Variants in XRN1 observed in about 807,000 individuals in gnomAD.
XRN1 encodes the protein strand-exchange protein 1 homolog.
A neutral mutation model predicts 222.3 loss-of-function variants in XRN1; 67 were observed. That is an observed-to-expected ratio of 0.30 (90% confidence interval 0.25 to 0.37). The LOEUF is 0.37. XRN1 is among the 10% of genes least tolerant of loss of function. The pLI is 1.00. For missense variants in XRN1, 1,707 were observed against 2,000.2 expected, an observed-to-expected ratio of 0.85 and a Z score of 2.80; for synonymous variants, 643 against 652.4, an observed-to-expected ratio of 0.99 and a Z score of 0.22.
chr3:142,378,402 A>C (rs532700594), intron 23 of XRN1, among the ~76,000 whole-genome samples: 30 of 152,242 alleles, frequency 2.0e-4, no homozygotes, highest in Non-Finnish European at 3.8e-4. Flanking sequence ...AACACAAAAA[A>C]TAGAAGGATA....
In XRN1 at chr3:142,405,055, C is replaced by T. The variant is rs752779176; in HGVS notation, c.1735G>A (p.Glu579Lys). ...IDEKRLLEAM[E>K]TCNHSLKKEE... ...TTTTTGAGGGAGTGGTTACATGTCT[C>T]CATGGCTTCCAATAATCGCTTCTGA... Residue 579 changes from glutamate to lysine, a missense_variant, in exon 16 of 41, where the codon GAG becomes AAG. Physicochemically the swap from Glu to Lys is moderately conservative, Grantham distance 56. Coordinates refer to ENST00000392981, the MANE Select transcript of XRN1 (RefSeq NM_001282857.2). 6.2e-7 allele frequency: 1 copy of T among 1,613,888 alleles called. No individual in the cohort carries two copies. Among genetic ancestry groups the T allele is most frequent in the South Asian group, 1.1e-5 (1 of 91,064 alleles).
intron 31 of XRN1, among the ~76,000 whole-genome samples, chr3:142,356,341 G>A (rs2066464880): frequency 6.6e-6 from 1 of 152,086 alleles, no homozygotes; most frequent in Non-Finnish European, 1.5e-5. Context: ...ACTTATCTGT[G>A]TTTTCCAATT....
At chr3:142,315,308 T>C (rs371267324) in intron 39 of XRN1, among the ~76,000 whole-genome samples, 1 of 151,936 alleles carries the variant, frequency 6.6e-6, no homozygotes, top group Non-Finnish European at 1.5e-5. Context: ...CAATGTTTTG[T>C]TTTGGTTTGG....
At chr3:142,318,018 T>C (rs2065253743) in intron 39 of XRN1, among the ~76,000 whole-genome samples, 1 of 152,222 alleles carries the variant, frequency 6.6e-6, no homozygotes, top group South Asian at 2.1e-4. Flanking sequence ...ATAAATTTAA[T>C]CAGTATTATT....
At chr3:142,432,139 A>T (rs866859969) in intron 2 of XRN1, among the ~76,000 whole-genome samples, 6 of 127,142 alleles carry the variant, frequency 4.7e-5, no homozygotes, top group East Asian at 4.2e-4. Flanking sequence ...CATATATATA[A>T]AATATATAAT....
In XRN1 at chr3:142,347,328, A is replaced by G. The variant is rs1312863488; in HGVS notation, c.3783T>C (p.Pro1261=). 6.3e-7 allele frequency: 1 copy of G among 1,599,418 alleles called. No homozygotes were observed. The highest frequency in any genetic ancestry group is 1.1e-5 in the South Asian group (1 of 87,164). The stretch of plus-strand genomic sequence containing the variant: ...GTTGATTTACTTGGCTTATTTCTTG[A>G]GGTAGAACTGCACCCTGAAAATTAA... ...PTIQEKGAVL[P]QEISQVNQHH... is the part of the protein sequence containing the mutation. The change falls in exon 33 of 41, where the codon CCT becomes CCC. Residue 1261 remains proline, a synonymous_variant. Transcript: ENST00000392981.
rs181482550 is a variant in XRN1, at chr3:142,423,516, C to T, written c.710+44G>A. On this transcript the variant is annotated intron_variant, in intron 6 of 40. Coordinates refer to ENST00000392981, the MANE Select transcript of XRN1 (RefSeq NM_001282857.2). The stretch of plus-strand genomic sequence containing the variant: ...ATGTATCTGTTAAAGAATTACTATC[C>T]AGGCGTAATTTCTTTCTTCCAACAT... 18 of 1,447,112 alleles carry T rather than the reference C, an allele frequency of 1.2e-5. No homozygotes were observed. In the African/African-American group the frequency reaches 1.4e-4, roughly 12 times the overall value. The allele number at this position is 1,447,112 out of a possible 1,614,324, so 89.6% of individuals were successfully genotyped here. A position where few individuals can be genotyped will look rare whatever the true frequency, so the allele number is the denominator to read the frequency against.
chr3:142,337,622 AC>A (rs901222304), intron 33 of XRN1, among the ~76,000 whole-genome samples: 1 of 152,238 alleles, frequency 6.6e-6, no homozygotes. Context: ...AACACAGTAG[AC>A]ACTACTGAAG....
intron 33 of XRN1, among the ~76,000 whole-genome samples, chr3:142,343,967 G>A (rs559396988): frequency 1.6e-4 from 25 of 152,158 alleles, no homozygotes; most frequent in African/African-American, 4.1e-4. Flanking sequence ...CATATGTTAG[G>A]TGAAATAAGC....
chr3:142,329,817 G>T (rs990444211), intron 36 of XRN1, among the ~76,000 whole-genome samples: 9 of 152,148 alleles, frequency 5.9e-5, no homozygotes, highest in African/African-American at 7.2e-5. Context: ...AGTACAACCT[G>T]CCATCCAAGT....
chr3:142,366,416 T>C (rs1242638190), intron 27 of XRN1, among the ~76,000 whole-genome samples: 1 of 152,198 alleles, frequency 6.6e-6, no homozygotes. Context: ...TTTCTTTTGT[T>C]ATGAGGCATT....
At chr3:142,323,593 C>T (rs921278125) in intron 37 of XRN1, among the ~76,000 whole-genome samples, 6 of 151,932 alleles carry the variant, frequency 3.9e-5, no homozygotes, top group African/African-American at 9.7e-5. Flanking sequence ...TAGATTTCTA[C>T]AAAAAAACAC....
chr3:142,354,117 G>T (rs1350587506), intron 32 of XRN1, among the ~76,000 whole-genome samples: 3 of 151,990 alleles, frequency 2.0e-5, no homozygotes, highest in Non-Finnish European at 2.9e-5. Context: ...TTTAAAAAAT[G>T]GGGAAAAAAC....
chr3:142,394,366 A>G (rs1352357979), intron 20 of XRN1, among the ~76,000 whole-genome samples: 2 of 152,192 alleles, frequency 1.3e-5, no homozygotes, highest in African/African-American at 4.8e-5. Flanking sequence ...AGAATGTTTC[A>G]TTATAAATTA....
intron 27 of XRN1, among the ~76,000 whole-genome samples, chr3:142,368,078 TTAATA>T (rs1475600354): frequency 6.7e-6 from 1 of 150,260 alleles, no homozygotes; most frequent in Non-Finnish European, 1.5e-5. Context: ...TGATATGGAG[TTAATA>T]TATTACATGT....
At chr3:142,435,771 A>T (rs1194874944) in intron 1 of XRN1, among the ~76,000 whole-genome samples, 3 of 150,350 alleles carry the variant, frequency 2.0e-5, no homozygotes, top group East Asian at 1.9e-4. Context: ...CCAAAAAAAA[A>T]AAAAAAAAAA....
At chr3:142,323,254 C>A (rs2065411264) in intron 37 of XRN1, among the ~76,000 whole-genome samples, 1 of 151,552 alleles carries the variant, frequency 6.6e-6, no homozygotes, top group Admixed American at 6.6e-5. Context: ...CACACTGCAA[C>A]TAACCTTAAA....
At chr3:142,361,963 CT>C (rs71153961) in intron 29 of XRN1, among the ~76,000 whole-genome samples, 482 of 51,698 alleles carry the variant, frequency 9.3e-3, no homozygotes, top group African/African-American at 0.032. Context: ...CTTTTTCTCT[CT>C]TTTTTTTTTT....
intron 14 of XRN1, 68 bp from the exon 15 acceptor site, chr3:142,412,731 A>G: frequency 8.3e-7 from 1 of 1,211,302 alleles, no homozygotes; most frequent in Admixed American, 2.6e-5. Flanking sequence ...TTGTTAATGT[A>G]TTTATAATAT....
Sources: allele counts gnomAD v4.1 joint callset (sites outside exome capture counted in the v4.1 genomes callset), GRCh38; gene constraint gnomAD v4.1.1; transcripts MANE v1.5; gene names NCBI Gene and HGNC (gene_info 2026-07-23, HGNC 2026-07-21).